Variants in NUBPL observed in about 807,000 individuals in gnomAD.
NUBPL encodes the protein NUBP iron-sulfur cluster assembly factor, mitochondrial.
In NUBPL, 31 loss-of-function variants were observed where a neutral mutation model predicts 45.7. The observed-to-expected ratio is 0.68, with a 90% confidence interval of 0.51 to 0.92. NUBPL has a LOEUF of 0.92. Among genes scored for constraint, NUBPL ranks in the 40% least tolerant of loss-of-function variants. The probability of loss-of-function intolerance (pLI) is 0.00; values close to 1 mark genes in which losing one functional copy is unlikely to be tolerated. For missense variants in NUBPL, 401 were observed against 398.7 expected, an observed-to-expected ratio of 1.01 and a Z score of -0.05; for synonymous variants, 144 against 140.9, an observed-to-expected ratio of 1.02 and a Z score of -0.15.
chr14:31,798,117 T>C (rs9743878), intron 7 of NUBPL, among the ~76,000 whole-genome samples: 19,266 of 150,162 alleles, frequency 0.13, 3,563 homozygotes, highest in African/African-American at 0.41. Context: ...GTTAGTCTGA[T>C]GTTGTGCCCC....
chr14:31,633,763 C>T (rs1216075932), intron 4 of NUBPL, among the ~76,000 whole-genome samples: 1 of 152,138 alleles, frequency 6.6e-6, no homozygotes, highest in Non-Finnish European at 1.5e-5. Context: ...ATTCCTAGTC[C>T]TGTCCTCATG....
intron 4 of NUBPL, among the ~76,000 whole-genome samples, chr14:31,608,649 T>C (rs2034669382): frequency 6.6e-6 from 1 of 152,174 alleles, no homozygotes; most frequent in Non-Finnish European, 1.5e-5. Flanking sequence ...ATAGTAAGTA[T>C]GCAGGGAAAA....
chr14:31,565,502 T>C (rs969327446), intron 3 of NUBPL, among the ~76,000 whole-genome samples: 14 of 152,190 alleles, frequency 9.2e-5, no homozygotes, highest in Non-Finnish European at 1.6e-4. Context: ...TATAGTTCTA[T>C]GTATATCCTT....
intron 6 of NUBPL, among the ~76,000 whole-genome samples, chr14:31,693,074 CAT>C (rs1053990485): frequency 1.3e-5 from 2 of 151,946 alleles, no homozygotes; most frequent in Non-Finnish European, 2.9e-5. Flanking sequence ...ATAAGGAAAA[CAT>C]ATTTTAAAAT....
At chr14:31,727,510 T>A (rs899586954) in intron 6 of NUBPL, among the ~76,000 whole-genome samples, 33 of 152,300 alleles carry the variant, frequency 2.2e-4, no homozygotes, top group Non-Finnish European at 4.6e-4. Flanking sequence ...GAGCAGGTGA[T>A]CAAAGATTCT....
At chr14:31,703,436 G>T (rs966712694) in intron 6 of NUBPL, among the ~76,000 whole-genome samples, 2 of 152,172 alleles carry the variant, frequency 1.3e-5, no homozygotes, top group African/African-American at 4.8e-5. Context: ...GCCTCTTAAT[G>T]TGTGTATTAG....
intron 7 of NUBPL, among the ~76,000 whole-genome samples, chr14:31,814,394 T>C (rs2039874425): frequency 6.6e-6 from 1 of 152,234 alleles, no homozygotes; most frequent in Non-Finnish European, 1.5e-5. Flanking sequence ...TGTTTTTTTC[T>C]TGTAAATTTG....
chr14:31,846,528 ACT>A lies in NUBPL; in HGVS notation c.753_754del (p.His252TyrfsTer5). 1 of 1,613,482 alleles carries A rather than the reference ACT, an allele frequency of 6.2e-7. No individual in the cohort carries two copies. The highest frequency in any genetic ancestry group is 8.5e-7 in the Non-Finnish European group (1 of 1,179,736). ...VFQCPKCKHK[T>X]HIFGADGARK... ...CCAGTGTCCAAAATGTAAACACAAA[ACT>A]CATATTTTTGGTGCTGATGGTGCAA... On this transcript the variant is annotated frameshift_variant, in exon 9 of 11. Transcript: ENST00000281081. LOFTEE classifies it high-confidence loss of function.
intron 4 of NUBPL, among the ~76,000 whole-genome samples, chr14:31,668,845 T>G (rs1427525021): frequency 1.3e-5 from 2 of 152,186 alleles, no homozygotes; most frequent in African/African-American, 4.8e-5. Context: ...CCACGCTGCT[T>G]CTGCCTACCC....
intron 4 of NUBPL, among the ~76,000 whole-genome samples, chr14:31,664,198 C>T (rs1342634335): frequency 6.6e-6 from 1 of 152,132 alleles, no homozygotes; most frequent in African/African-American, 2.4e-5. Flanking sequence ...AATTTGACTT[C>T]CTCTCTTCCT....
intron 7 of NUBPL, among the ~76,000 whole-genome samples, chr14:31,815,103 A>G (rs1311449955): frequency 5.3e-5 from 8 of 152,202 alleles, no homozygotes; most frequent in Non-Finnish European, 1.5e-5. Context: ...TGGGGATAGC[A>G]TTGAATATAT....
At chr14:31,773,315 A>G (rs1332708028) in intron 6 of NUBPL, among the ~76,000 whole-genome samples, 1 of 152,178 alleles carries the variant, frequency 6.6e-6, no homozygotes, top group African/African-American at 2.4e-5. Context: ...ACATGGCAAA[A>G]ATTTTAATTT....
rs185588961 is a variant in NUBPL, at chr14:31,573,204, G to A, written c.291+8156G>A. Reference sequence around the variant, plus strand: ...GTCACTAGGCAATGGGAATCTTTTAGCTCCATTATAATCTTATGTCACCAC... The same window carrying A: ...GTCACTAGGCAATGGGAATCTTTTAACTCCATTATAATCTTATGTCACCAC... On this transcript the variant is annotated intron_variant, in intron 3 of 10. Coordinates refer to ENST00000281081, the MANE Select transcript of NUBPL (RefSeq NM_025152.3). Among the ~76,000 whole-genome samples, 12 of 152,288 alleles carry A rather than the reference G, an allele frequency of 7.9e-5. No homozygotes were observed. In the East Asian group the frequency reaches 1.9e-3, roughly 24 times the overall value.
At chr14:31,605,749 TTCCTTCC>T (rs2139580639) in intron 4 of NUBPL, among the ~76,000 whole-genome samples, 1 of 151,852 alleles carries the variant, frequency 6.6e-6, no homozygotes, top group African/African-American at 2.4e-5. Context: ...TTCTTCTTCC[TTCCTTCC>T]TCCTTCTCCT....
intron 7 of NUBPL, among the ~76,000 whole-genome samples, chr14:31,811,298 T>G (rs892744754): frequency 6.6e-6 from 1 of 152,188 alleles, no homozygotes; most frequent in Non-Finnish European, 1.5e-5. Context: ...CTCATATTTC[T>G]TGGAAGATTT....
At chr14:31,681,181 C>G (rs971801304) in intron 6 of NUBPL, among the ~76,000 whole-genome samples, 1 of 151,942 alleles carries the variant, frequency 6.6e-6, no homozygotes, top group African/African-American at 2.4e-5. Flanking sequence ...CGGTGAAACC[C>G]AGGCTTGGCG....
intron 4 of NUBPL, among the ~76,000 whole-genome samples, chr14:31,631,081 G>T (rs2035329601): frequency 6.6e-6 from 1 of 152,086 alleles, no homozygotes; most frequent in African/African-American, 2.4e-5. Context: ...TTTCAGCCTG[G>T]AAGCTGTCTC....
At chr14:31,835,723 A>G (rs2138996706) in intron 8 of NUBPL, among the ~76,000 whole-genome samples, 1 of 151,262 alleles carries the variant, frequency 6.6e-6, no homozygotes, top group Middle Eastern at 3.4e-3. Flanking sequence ...TTCCATGTCA[A>G]ATGACTATTT....
intron 7 of NUBPL, among the ~76,000 whole-genome samples, chr14:31,806,558 T>C (rs1299019424): frequency 6.6e-6 from 1 of 152,194 alleles, no homozygotes; most frequent in Non-Finnish European, 1.5e-5. Context: ...GATTCAAGAC[T>C]GGAAAAATAC....
Sources: allele counts gnomAD v4.1 joint callset (sites outside exome capture counted in the v4.1 genomes callset), GRCh38; gene constraint gnomAD v4.1.1; transcripts MANE v1.5; gene names NCBI Gene and HGNC (gene_info 2026-07-23, HGNC 2026-07-21).